BMERB1: variants seen among roughly 807,000 people sequenced by gnomAD.
The protein encoded by BMERB1 is bMERB domain-containing protein 1.
A neutral mutation model predicts 23.6 loss-of-function variants in BMERB1; 12 were observed. That is an observed-to-expected ratio of 0.51 (90% CI 0.33 to 0.82). The LOEUF (loss-of-function observed/expected upper bound fraction) is 0.82. Among genes scored for constraint, BMERB1 ranks in the 40% least tolerant of loss-of-function variants. The pLI is 0.03. For synonymous variants in BMERB1, 122 were observed against 96.6 expected (o/e 1.26, Z -1.54); for missense variants, 247 against 255.4 (o/e 0.97, Z 0.22).
At chr16:15,458,161 C>G (rs1272371808) in intron 1 of BMERB1, among the ~76,000 whole-genome samples, 2 of 152,194 alleles carry the variant, frequency 1.3e-5, no homozygotes, top group African/African-American at 2.4e-5. Flanking sequence ...TTCCTGACAC[C>G]TACAGGTTGA....
At chr16:15,523,917 C>T (rs1300449) in intron 2 of BMERB1, among the ~76,000 whole-genome samples, 98 of 152,200 alleles carry the variant, frequency 6.4e-4, no homozygotes, top group Non-Finnish European at 1.3e-3. Context: ...TTCCTTGAGA[C>T]CCTCTTGGGA....
intron 2 of BMERB1, among the ~76,000 whole-genome samples, chr16:15,521,957 G>A (rs1339192745): frequency 2.0e-5 from 3 of 151,942 alleles, no homozygotes; most frequent in Non-Finnish European, 2.9e-5. Context: ...TCATTTTCTC[G>A]CCTTCCTTCC....
At chr16:15,466,275 A>G (rs1456594523) in intron 1 of BMERB1, among the ~76,000 whole-genome samples, 2 of 152,172 alleles carry the variant, frequency 1.3e-5, no homozygotes, top group African/African-American at 4.8e-5. Context: ...AAAGTTTGCC[A>G]ATCTGATGGA....
intron 2 of BMERB1, chr16:15,537,005 G>A (rs375093922): frequency 6.6e-6 from 1 of 152,136 alleles, no homozygotes; most frequent in Non-Finnish European, 1.5e-5. Flanking sequence ...TCTCTCCCCT[G>A]TAGCCTAGGA....
intron 2 of BMERB1, among the ~76,000 whole-genome samples, chr16:15,520,949 G>A (rs1007961919): frequency 1.3e-5 from 2 of 152,160 alleles, no homozygotes; most frequent in African/African-American, 2.4e-5. Flanking sequence ...CCAGAGATGA[G>A]ATACCAGACC....
chr16:15,510,581 C>T (rs1426403988), intron 1 of BMERB1, among the ~76,000 whole-genome samples: 15 of 152,072 alleles, frequency 9.9e-5, no homozygotes, highest in Admixed American at 9.8e-4. Context: ...AGAGGTTAAC[C>T]AACTCCCCAA....
chr16:15,512,540 T>C (rs777326603), intron 1 of BMERB1, among the ~76,000 whole-genome samples: 97 of 151,620 alleles, frequency 6.4e-4, no homozygotes, highest in Middle Eastern at 3.2e-3. Context: ...AGGCCAGAAG[T>C]TCCAGACCAG....
intron 2 of BMERB1, among the ~76,000 whole-genome samples, chr16:15,517,290 C>T (rs1209794072): frequency 6.6e-6 from 1 of 152,154 alleles, no homozygotes; most frequent in East Asian, 1.9e-4. Context: ...AGGTAGATCA[C>T]TTGAGGCCAG....
intron 3 of BMERB1, among the ~76,000 whole-genome samples, chr16:15,580,746 C>T (rs1177143892): frequency 2.0e-5 from 3 of 151,458 alleles, no homozygotes; most frequent in South Asian, 4.2e-4. Flanking sequence ...GGGGTTCCAC[C>T]CTGTTAGCCA....
chr16:15,541,054 C>T (rs2052073302), intron 2 of BMERB1, among the ~76,000 whole-genome samples: 1 of 152,030 alleles, frequency 6.6e-6, no homozygotes, highest in African/African-American at 2.4e-5. Flanking sequence ...TCCGGAGCCA[C>T]CCACCCTTCT....
intron 1 of BMERB1, among the ~76,000 whole-genome samples, chr16:15,477,309 C>G (rs565924612): frequency 6.6e-6 from 1 of 152,238 alleles, no homozygotes; most frequent in South Asian, 2.1e-4. Flanking sequence ...CTCATTATCA[C>G]GAGAACAGCA....
At chr16:15,505,949 A>G (rs190093365) in intron 1 of BMERB1, among the ~76,000 whole-genome samples, 8 of 152,086 alleles carry the variant, frequency 5.3e-5, no homozygotes, top group African/African-American at 1.9e-4. Flanking sequence ...AGAGTACAGA[A>G]TATGTAGCTG....
At chr16:15,498,005 CCT>C (rs2051491032) in intron 1 of BMERB1, among the ~76,000 whole-genome samples, 1 of 152,116 alleles carries the variant, frequency 6.6e-6, no homozygotes. Context: ...GTGTGAATCC[CCT>C]CACTTAACCT....
intron 3 of BMERB1, among the ~76,000 whole-genome samples, chr16:15,575,532 T>A (rs923482721): frequency 1.3e-5 from 2 of 152,118 alleles, no homozygotes; most frequent in African/African-American, 4.8e-5. Context: ...GTGTTACTGG[T>A]GGAAGGTGTC....
chr16:15,460,099 A>G (rs547765633), intron 1 of BMERB1, among the ~76,000 whole-genome samples: 5 of 152,174 alleles, frequency 3.3e-5, no homozygotes, highest in Admixed American at 1.3e-4. Context: ...TTCTGATGTG[A>G]CAGGAAGCCT....
At chr16:15,440,276 A>G (rs930276405) in intron 1 of BMERB1, among the ~76,000 whole-genome samples, 1 of 150,098 alleles carries the variant, frequency 6.7e-6, no homozygotes, top group Non-Finnish European at 1.5e-5. Flanking sequence ...AAAAATCAAC[A>G]CAGACATAGT....
chr16:15,522,711 G>C (rs2051868217), intron 2 of BMERB1, among the ~76,000 whole-genome samples: 1 of 152,112 alleles, frequency 6.6e-6, no homozygotes, highest in African/African-American at 2.4e-5. Context: ...CCCCCTCGCA[G>C]GGTGTGTGAT....
At chr16:15,444,936 G>C (rs1257321479) in intron 1 of BMERB1, among the ~76,000 whole-genome samples, 2 of 152,144 alleles carry the variant, frequency 1.3e-5, no homozygotes, top group Non-Finnish European at 1.5e-5. Context: ...TTGCTCCATT[G>C]CCCATATGGG....
intron 1 of BMERB1, among the ~76,000 whole-genome samples, chr16:15,472,396 C>T (rs1449981882): frequency 6.6e-6 from 1 of 152,178 alleles, no homozygotes; most frequent in Admixed American, 6.5e-5. Context: ...CTCCTTTCGG[C>T]TTTATGAATC....
Sources: allele counts gnomAD v4.1 joint callset (sites outside exome capture counted in the v4.1 genomes callset), GRCh38; gene constraint gnomAD v4.1.1; transcripts MANE v1.5; gene names NCBI Gene and HGNC (gene_info 2026-07-23, HGNC 2026-07-21).